Variants in SORCS2 observed in about 807,000 individuals in gnomAD.
SORCS2 encodes the protein VPS10 domain-containing receptor SorCS2.
A neutral mutation model predicts 141.6 loss-of-function variants in SORCS2; 100 were observed. The ratio of observed to expected loss-of-function variants is 0.71; its 90% CI spans 0.60 to 0.83. The LOEUF (loss-of-function observed/expected upper bound fraction) is 0.83, where lower values mean the gene tolerates loss of function less well. Ranked by LOEUF, SORCS2 falls within the 40% of genes least tolerant of loss-of-function variation. SORCS2 has a pLI of 0.00. For synonymous variants in SORCS2, 789 were observed against 676.9 expected, an observed-to-expected ratio of 1.17 and a Z score of -2.57; for missense variants, 1,646 against 1,560.2, an observed-to-expected ratio of 1.05 and a Z score of -0.93.
chr4:7,677,957 G>C (rs1165846230), intron 9 of SORCS2, among the ~76,000 whole-genome samples: 1 of 152,150 alleles, frequency 6.6e-6, no homozygotes, highest in Non-Finnish European at 1.5e-5. Flanking sequence ...GTGGTGATGG[G>C]ATGGGAAGGG....
At chr4:7,207,474 A>G (rs1463044781) in intron 1 of SORCS2, among the ~76,000 whole-genome samples, 1 of 152,082 alleles carries the variant, frequency 6.6e-6, no homozygotes, top group African/African-American at 2.4e-5. Context: ...AGGCTCCTGG[A>G]GGCGGGCAGG....
At chr4:7,655,437 A>G (rs780959056) in intron 5 of SORCS2, among the ~76,000 whole-genome samples, 2 of 152,184 alleles carry the variant, frequency 1.3e-5, no homozygotes, top group Non-Finnish European at 2.9e-5. Context: ...AGCTCCAATT[A>G]AAAACAATAT....
chr4:7,528,160 G>A (rs1048142801), intron 2 of SORCS2, among the ~76,000 whole-genome samples: 9 of 152,152 alleles, frequency 5.9e-5, no homozygotes, highest in African/African-American at 1.7e-4. Context: ...GGGACACACA[G>A]CAGGTACTCA....
chr4:7,391,303 C>T (rs1177639082), intron 1 of SORCS2, among the ~76,000 whole-genome samples: 1 of 152,220 alleles, frequency 6.6e-6, no homozygotes, highest in Non-Finnish European at 1.5e-5. Context: ...GCCCCCTTTC[C>T]CCAGAGCAGC....
At chr4:7,441,171 G>T (rs965525538) in intron 2 of SORCS2, among the ~76,000 whole-genome samples, 1 of 152,214 alleles carries the variant, frequency 6.6e-6, no homozygotes, top group African/African-American at 2.4e-5. Flanking sequence ...AGCAGGGAGG[G>T]TCAGAGGGCA....
chr4:7,537,641 C>A (rs1712239295), intron 3 of SORCS2, among the ~76,000 whole-genome samples: 1 of 152,152 alleles, frequency 6.6e-6, no homozygotes, highest in South Asian at 2.1e-4. Context: ...ACAGCTCTAA[C>A]CTTCTAGAGC....
intron 3 of SORCS2, among the ~76,000 whole-genome samples, chr4:7,629,496 A>G (rs1008179694): frequency 1.3e-5 from 2 of 151,956 alleles, no homozygotes; most frequent in Non-Finnish European, 2.9e-5. Flanking sequence ...GGGAAGGCCA[A>G]GCTCTCTCCT....
chr4:7,229,051 C>T (rs538557901), intron 1 of SORCS2, among the ~76,000 whole-genome samples: 15 of 152,324 alleles, frequency 9.8e-5, no homozygotes, highest in South Asian at 4.1e-4. Flanking sequence ...GAGGGGTCCC[C>T]GTGCACCCAG....
At chr4:7,435,878 G>A (rs1404812420) in intron 2 of SORCS2, among the ~76,000 whole-genome samples, 1 of 152,240 alleles carries the variant, frequency 6.6e-6, no homozygotes, top group Non-Finnish European at 1.5e-5. Flanking sequence ...CAGGCCAGAG[G>A]TTTGATGGCA....
chr4:7,477,364 GACCGTGGCT>G (rs1730364209), intron 2 of SORCS2, among the ~76,000 whole-genome samples: 2 of 134,842 alleles, frequency 1.5e-5, no homozygotes, highest in Non-Finnish European at 3.4e-5. Flanking sequence ...GACTGGGGCT[GACCGTGGCT>G]GACCGTGGCT....
At chr4:7,277,810 G>A (rs1269356919) in intron 1 of SORCS2, among the ~76,000 whole-genome samples, 3 of 152,294 alleles carry the variant, frequency 2.0e-5, no homozygotes, top group Non-Finnish European at 2.9e-5. Context: ...ACATTCATCC[G>A]CCTGAAGCTC....
intron 2 of SORCS2, among the ~76,000 whole-genome samples, chr4:7,507,805 G>T (rs556205179): frequency 6.6e-6 from 1 of 152,138 alleles, no homozygotes; most frequent in African/African-American, 2.4e-5. Flanking sequence ...GGAACACGGG[G>T]TTGGGTCTCT....
intron 2 of SORCS2, among the ~76,000 whole-genome samples, chr4:7,482,305 G>A (rs1162899849): frequency 3.6e-5 from 1 of 27,862 alleles, no homozygotes; most frequent in African/African-American, 1.7e-4. Context: ...TATCCCCACT[G>A]CGGACACCCC....
intron 1 of SORCS2, among the ~76,000 whole-genome samples, chr4:7,261,881 C>T (rs539049686): frequency 3.3e-5 from 5 of 152,304 alleles, no homozygotes; most frequent in South Asian, 4.1e-4. Flanking sequence ...GCCAGATGAC[C>T]GAGGATCCTT....
At chr4:7,637,219 A>G (rs7685583) in intron 3 of SORCS2, among the ~76,000 whole-genome samples, 111,970 of 152,110 alleles carry the variant, frequency 0.74, 41,971 homozygotes, top group East Asian at 0.96. Context: ...TAAACAACCC[A>G]CTGTGCTGCT....
At chr4:7,623,810 C>T (rs1719357357) in intron 3 of SORCS2, among the ~76,000 whole-genome samples, 1 of 152,160 alleles carries the variant, frequency 6.6e-6, no homozygotes, top group South Asian at 2.1e-4. Context: ...TCCATGGAGC[C>T]AAAGACAACG....
At position 7,508,607 on chromosome 4, in the gene SORCS2, G is replaced by A. The variant is rs549504087; in HGVS notation, c.549-22923G>A. On this transcript the variant is annotated intron_variant, in intron 2 of 26. Coordinates refer to ENST00000507866, the MANE Select transcript of SORCS2 (RefSeq NM_020777.3). ...TCCACCTTGGCCTCCCAAAGTGCTG[G>A]GATTACAGGCACGAGCCACCGCGCC... Among the ~76,000 whole-genome samples, 91 of 152,082 alleles carry A rather than the reference G, an allele frequency of 6.0e-4. 2 individuals are homozygous for A. The highest frequency in any genetic ancestry group is 1.9e-3 in the African/African-American group (79 of 41,478).
intron 1 of SORCS2, among the ~76,000 whole-genome samples, chr4:7,353,207 G>A (rs1480380261): frequency 6.6e-6 from 1 of 152,190 alleles, no homozygotes; most frequent in African/African-American, 2.4e-5. Flanking sequence ...CTGCAGAGGT[G>A]GTGTTGGAGG....
At chr4:7,446,532 G>A (rs1728013697) in intron 2 of SORCS2, among the ~76,000 whole-genome samples, 1 of 152,220 alleles carries the variant, frequency 6.6e-6, no homozygotes, top group East Asian at 1.9e-4. Flanking sequence ...ACACTGCTGA[G>A]GGGCTGCCTC....
Sources: allele counts gnomAD v4.1 joint callset (sites outside exome capture counted in the v4.1 genomes callset), GRCh38; gene constraint gnomAD v4.1.1; transcripts MANE v1.5; gene names NCBI Gene and HGNC (gene_info 2026-07-23, HGNC 2026-07-21).